Variants in ZNF506 observed in about 807,000 individuals in gnomAD.
ZNF506 encodes zinc finger protein 506.
In ZNF506, 10 loss-of-function variants were observed where a neutral mutation model predicts 11.6. The observed-to-expected ratio is 0.86, with a 90% CI of 0.53 to 1.46. The LOEUF is 1.46. Ranked by LOEUF, ZNF506 falls within the 40% of genes most tolerant of loss-of-function variation. The probability of loss-of-function intolerance (pLI) is 0.00; values close to 1 mark genes in which losing one functional copy is unlikely to be tolerated. For missense variants in ZNF506, 425 were observed against 521.2 expected (o/e 0.82, Z 1.80); for synonymous variants, 156 against 173.3 (o/e 0.90, Z 0.78).
intron 3 of ZNF506, chr19:19,796,054 C>T: frequency 4.3e-6 from 1 of 230,788 alleles, no homozygotes; most frequent in South Asian, 6.9e-5. Context: ...GAGGCTGAGG[C>T]AGGTGGATCA....
At chr19:19,819,878 C>T (rs1303458353) in intron 1 of ZNF506, among the ~76,000 whole-genome samples, 1 of 152,110 alleles carries the variant, frequency 6.6e-6, no homozygotes, top group Non-Finnish European at 1.5e-5. Flanking sequence ...ACGGGCGGAT[C>T]ACGAGGTCAA....
At chr19:19,816,113 TTC>T (rs1236869266) in intron 1 of ZNF506, among the ~76,000 whole-genome samples, 3 of 152,124 alleles carry the variant, frequency 2.0e-5, no homozygotes, top group Non-Finnish European at 4.4e-5. Flanking sequence ...TCTGCACATT[TTC>T]TCTTTCTCAT....
chr19:19,821,630 TC>T lies in ZNF506; in HGVS notation c.-28del. 2.5e-6 allele frequency: 4 copies of T among 1,613,886 alleles called. No homozygotes were observed. On this transcript the variant is annotated 5_prime_UTR_variant, in exon 1 of 4. Coordinates refer to ENST00000540806, the MANE Select transcript of ZNF506 (RefSeq NM_001099269.3). ...TCTAGGCTTCCAGGGGGTCCCGGCG[TC>T]CTAGCTGTGACCCTCCTAATACCTG... is the stretch of plus-strand genomic sequence containing the variant.
chr19:19,810,792 T>C (rs1007150027), intron 1 of ZNF506, among the ~76,000 whole-genome samples: 2 of 152,194 alleles, frequency 1.3e-5, no homozygotes, highest in African/African-American at 4.8e-5. Context: ...CATACTTTAT[T>C]TTTCTCATTT....
At chr19:19,805,129 A>G (rs2062826170) in intron 3 of ZNF506, among the ~76,000 whole-genome samples, 1 of 152,166 alleles carries the variant, frequency 6.6e-6, no homozygotes, top group Non-Finnish European at 1.5e-5. Flanking sequence ...TAAACCAATA[A>G]ATACACTAAT....
Position 19,792,904 on chromosome 19 carries a change from A to G in ZNF506, c.*1648T>C, listed in dbSNP as rs966111840. ...ATACATTACTTAATATAAGTTAACT[A>G]CAAAGAGCCTCTCCACTTACATTTT... On this transcript the variant is annotated 3_prime_UTR_variant, in exon 4 of 4. Coordinates refer to ENST00000540806, the MANE Select transcript of ZNF506 (RefSeq NM_001099269.3). 1.3e-5 allele frequency among the ~76,000 whole-genome samples: 2 copies of G among 152,056 alleles called. No homozygotes were observed. Among genetic ancestry groups the G allele is most frequent in the East Asian group, 3.8e-4 (2 of 5,208 alleles).
chr19:19,818,333 A>C (rs561472664), intron 1 of ZNF506, among the ~76,000 whole-genome samples: 19 of 152,348 alleles, frequency 1.2e-4, no homozygotes, highest in African/African-American at 4.6e-4. Flanking sequence ...CAAGATATTC[A>C]CTGTCACAAA....
rs1295620252 is a variant in ZNF506 at position 19,795,298 on chromosome 19, C to A, written c.589G>T (p.Gly197Ter). 2 of 1,613,964 alleles carry A rather than the reference C, an allele frequency of 1.2e-6. No individual in the cohort carries two copies. Among genetic ancestry groups the A allele is most frequent in the Non-Finnish European group, 1.7e-6 (2 of 1,179,966 alleles). The change falls in exon 4 of 4, where the codon GGA (glycine) becomes TGA (stop). Residue 197 changes from glycine to a stop codon, truncating the protein, a stop_gained. Transcript: ENST00000540806. LOFTEE classifies it low-confidence loss of function (END_TRUNC). ...TCTTCACATTTATAGCGTTTCTCTCCAGCATCAATTTTCTTATATGTAGTA... is the reference window on the plus strand; with the variant it reads ...TCTTCACATTTATAGCGTTTCTCTCAAGCATCAATTTTCTTATATGTAGTA... ...TRTTYKKIDA[G>*]EKRYKCEECG...
Position 19,799,768 on chromosome 19 carries a change from T to A in ZNF506, c.227-4108A>T, listed in dbSNP as rs543925548. Among the ~76,000 whole-genome samples, 643 of 152,128 alleles carry A rather than the reference T, an allele frequency of 4.2e-3. 6 individuals are homozygous for A. The highest frequency in any genetic ancestry group is 0.015 in the African/African-American group (619 of 41,502). On this transcript the variant is annotated intron_variant, in intron 3 of 3. Transcript: ENST00000540806. ...TATACCGCTCAATTTAACCTATAGA[T>A]TTAATGCAATATTTTTCAAATTTCT...
chr19:19,802,160 G>T (rs924879294), intron 3 of ZNF506, among the ~76,000 whole-genome samples: 1 of 145,636 alleles, frequency 6.9e-6, no homozygotes, highest in African/African-American at 2.6e-5. Flanking sequence ...AGCCAAGATC[G>T]CACCACTGCA....
rs2062916072 is a variant in ZNF506 at position 19,814,796 on chromosome 19, ATT to A, written c.3+6803_3+6804del. 2.6e-5 allele frequency among the ~76,000 whole-genome samples: 4 copies of A among 152,182 alleles called. No individual in the cohort carries two copies. In the South Asian group the frequency reaches 8.3e-4, roughly 32 times the overall value. On this transcript the variant is annotated intron_variant, in intron 1 of 3. Coordinates refer to ENST00000540806, the MANE Select transcript of ZNF506 (RefSeq NM_001099269.3). ...AGTGGTCCCAGTGGGGCTGTACTCT[ATT>A]TATTTCCGTGTGCATGCAGGCAGGT...
intron 3 of ZNF506, among the ~76,000 whole-genome samples, chr19:19,799,764 T>C (rs1252087106): frequency 6.6e-6 from 1 of 151,838 alleles, no homozygotes; most frequent in East Asian, 1.9e-4. Context: ...ATTTAACCTA[T>C]AGATTTAATG....
At chr19:19,818,189 G>A (rs955217021) in intron 1 of ZNF506, among the ~76,000 whole-genome samples, 3 of 151,968 alleles carry the variant, frequency 2.0e-5, no homozygotes, top group African/African-American at 4.8e-5. Context: ...TTCAGACAAC[G>A]TATTATTTTA....
chr19:19,817,329 A>G (rs1327845199), intron 1 of ZNF506, among the ~76,000 whole-genome samples: 1 of 152,174 alleles, frequency 6.6e-6, no homozygotes, highest in Admixed American at 6.5e-5. Flanking sequence ...CCTAGGAAAG[A>G]AAGTGTTTTT....
rs368284125 is a variant in ZNF506 at position 19,795,443 on chromosome 19, A to G, written c.444T>C (p.Asp148=). ...ATTTATGCAAGAATTTCACATATTC[A>G]TCACATTGAAATATTTTTCTCTGGG... ...ATTQRKIFQC[D]EYVKFLHKFS... The change falls in exon 4 of 4, where the codon GAT becomes GAC. Residue 148 remains aspartate, a synonymous_variant. Transcript: ENST00000540806. 146 of 1,596,390 alleles carry G rather than the reference A, an allele frequency of 9.1e-5. No homozygotes were observed. The highest frequency in any genetic ancestry group is 1.2e-4 in the Non-Finnish European group (143 of 1,173,498).
chr19:19,796,066 G>A, intron 3 of ZNF506: 1 of 225,328 alleles, frequency 4.4e-6, no homozygotes, highest in Non-Finnish European at 9.3e-6. Flanking sequence ...GGTGGATCAT[G>A]AGGTCAACAG....
chr19:19,821,745 G>A lies in ZNF506; in HGVS notation c.-142C>T, dbSNP rs2062969209. On this transcript the variant is annotated 5_prime_UTR_variant, in exon 1 of 4. Transcript: ENST00000540806. ...AGCTGGATCTCTGGCGTCAGCGAGA[G>A]ACAATGGGCCCGCCAAAGCCGGAAG... The A allele has an allele frequency of 1.3e-5, 14 of 1,105,194 alleles. No homozygotes were observed. In the South Asian group the frequency reaches 1.4e-4, roughly 11 times the overall value. 68.5% of individuals were successfully genotyped at this position (1,105,194 alleles called of 1,614,324 possible).
At chr19:19,798,036 C>G (rs183218461) in intron 3 of ZNF506, 19 of 152,088 alleles carry the variant, frequency 1.2e-4, no homozygotes, top group Non-Finnish European at 2.1e-4. Context: ...TGCAAGAAAA[C>G]AACACATAAT....
chr19:19,793,518 A>G lies in ZNF506; in HGVS notation c.*1034T>C, dbSNP rs1187912603. Among the ~76,000 whole-genome samples, 2 of 152,222 alleles carry G rather than the reference A, an allele frequency of 1.3e-5. No individual in the cohort carries two copies. Among genetic ancestry groups the G allele is most frequent in the African/African-American group, 4.8e-5 (2 of 41,468 alleles). On this transcript the variant is annotated 3_prime_UTR_variant, in exon 4 of 4. Coordinates refer to ENST00000540806, the MANE Select transcript of ZNF506 (RefSeq NM_001099269.3). ...TTTCCTCTAGTACACAATGTGTGCA[A>G]CAAGATCTGTGATACAAGTAAAGGT... is the stretch of plus-strand genomic sequence containing the variant.
Sources: allele counts gnomAD v4.1 joint callset (sites outside exome capture counted in the v4.1 genomes callset), GRCh38; gene constraint gnomAD v4.1.1; transcripts MANE v1.5; gene names NCBI Gene and HGNC (gene_info 2026-07-23, HGNC 2026-07-21).